KIR3DL3: variants seen among roughly 807,000 people sequenced by gnomAD.
The protein encoded by KIR3DL3 is killer cell immunoglobulin like receptor, three Ig domains and long cytoplasmic tail 3.
A neutral mutation model predicts 34.9 loss-of-function variants in KIR3DL3; 27 were observed. That is an observed-to-expected ratio of 0.77 (90% confidence interval 0.57 to 1.07). The LOEUF (loss-of-function observed/expected upper bound fraction) is 1.07. Among genes scored for constraint, KIR3DL3 ranks in the 50% least tolerant of loss-of-function variants. The probability of loss-of-function intolerance (pLI) is 0.00; values close to 1 mark genes in which losing one functional copy is unlikely to be tolerated. For synonymous variants in KIR3DL3, 217 were observed against 200.2 expected (o/e 1.08, Z -0.71); for missense variants, 681 against 528.5 (o/e 1.29, Z -2.83).
Position 54,735,807 on chromosome 19 carries a change from C to T in KIR3DL3, c.1055-13C>T. 1 of 1,608,022 alleles carries T rather than the reference C, an allele frequency of 6.2e-7. No individual in the cohort carries two copies. The highest frequency in any genetic ancestry group is 8.5e-7 in the Non-Finnish European group (1 of 1,178,406). On this transcript the variant is annotated splice_polypyrimidine_tract_variant and intron_variant, in intron 6 of 7. Coordinates refer to ENST00000291860, the MANE Select transcript of KIR3DL3 (RefSeq NM_153443.5). ...GCCCTCCGAGCTGTTTTGACGACTT[C>T]CGTCTTCTACAGATGCTGTTGTAAT...
intron 2 of KIR3DL3, among the ~76,000 whole-genome samples, chr19:54,725,692 G>A (rs1447909919): frequency 2.0e-5 from 3 of 152,148 alleles, no homozygotes; most frequent in Non-Finnish European, 4.4e-5. Context: ...AGAGGTGGGG[G>A]AACCACAGTC....
chr19:54,728,350 T>C (rs34478220), intron 4 of KIR3DL3, among the ~76,000 whole-genome samples: 107,081 of 142,444 alleles, frequency 0.75, 40,622 homozygotes, highest in East Asian at 0.99. Context: ...CCTACAGATG[T>C]TGTGTTTATT....
chr19:54,733,249 A>T (rs2069026635), intron 5 of KIR3DL3, among the ~76,000 whole-genome samples: 1 of 152,144 alleles, frequency 6.6e-6, no homozygotes, highest in Non-Finnish European at 1.5e-5. Flanking sequence ...TATAATATAC[A>T]AGACTGTGGA....
intron 4 of KIR3DL3, 29 bp downstream of exon 4, chr19:54,727,939 C>G (rs1163637010): frequency 1.3e-6 from 2 of 1,574,442 alleles, no homozygotes; most frequent in African/African-American, 2.7e-5. Flanking sequence ...GCCTCTCACC[C>G]TTGCTGGGAG....
chr19:54,727,323 C>T (rs35508109), intron 3 of KIR3DL3, among the ~76,000 whole-genome samples: 18,330 of 126,318 alleles, frequency 0.15, 1,643 homozygotes, highest in African/African-American at 0.18. Context: ...CTTCCACCCC[C>T]ACATAAACAC....
intron 5 of KIR3DL3, among the ~76,000 whole-genome samples, chr19:54,731,607 A>G (rs1487543828): frequency 2.6e-5 from 4 of 152,102 alleles, no homozygotes; most frequent in Admixed American, 2.0e-4. Context: ...GCTGTAACTC[A>G]GAAGTATGAA....
chr19:54,735,744 T>A, intron 6 of KIR3DL3, 76 bp from the exon 7 acceptor site: 1 of 1,430,036 alleles, frequency 7.0e-7, no homozygotes, highest in Non-Finnish European at 9.6e-7. Flanking sequence ...CCTCCCCCTG[T>A]ATGTTGGTAT....
intron 3 of KIR3DL3, among the ~76,000 whole-genome samples, chr19:54,727,226 C>A (rs370722088): frequency 8.5e-6 from 1 of 117,390 alleles, no homozygotes; most frequent in East Asian, 2.6e-4. Flanking sequence ...CTGATGAGTT[C>A]GTACCTCCTG....
At chr19:54,734,314 G>A (rs1164088681) in intron 5 of KIR3DL3, among the ~76,000 whole-genome samples, 1 of 151,248 alleles carries the variant, frequency 6.6e-6, no homozygotes, top group Admixed American at 6.6e-5. Context: ...GTCACTCCAG[G>A]GAGACAGAAC....
chr19:54,725,910 C>T lies in KIR3DL3; in HGVS notation c.71-143C>T, dbSNP rs1041760946. 8.1e-5 allele frequency: 59 copies of T among 729,592 alleles called. 1 individual carries two copies. Among genetic ancestry groups the T allele is most frequent in the Middle Eastern group, 3.8e-4 (1 of 2,602 alleles). The allele number at this position is 729,592 out of a possible 1,614,324, so 45.2% of individuals were successfully genotyped here. A position where few individuals can be genotyped will look rare whatever the true frequency, so the allele number is the denominator to read the frequency against. ...GCTGTAGGGAGACGCCATGTCTATG[C>T]GGGATGGGTCCTTCCTGTAGCCCTG... On this transcript the variant is annotated intron_variant, in intron 2 of 7. Transcript: ENST00000291860.
intron 1 of KIR3DL3, among the ~76,000 whole-genome samples, chr19:54,724,880 G>GAGATATGGGCCTGGAACTGT (rs2067978000): frequency 7.2e-6 from 1 of 138,100 alleles, no homozygotes; most frequent in African/African-American, 2.7e-5. Flanking sequence ...CCTGGAGGTG[G>GAGATATGGGCCTGGAACTGT]AGATATGGGC....
At chr19:54,735,741 C>G (rs1481292206) in intron 6 of KIR3DL3, 79 bp from the exon 7 acceptor site, 3 of 1,519,314 alleles carry the variant, frequency 2.0e-6, no homozygotes, top group Admixed American at 1.7e-5. Flanking sequence ...TGGCCTCCCC[C>G]TGTATGTTGG....
chr19:54,732,244 G>T lies in KIR3DL3; in HGVS notation c.949+2458G>T, dbSNP rs1210760911. Among the ~76,000 whole-genome samples, 208 of 118,314 alleles carry T rather than the reference G, an allele frequency of 1.8e-3. 1 individual carries two copies. The highest frequency in any genetic ancestry group is 5.7e-3 in the African/African-American group (189 of 32,896). 77.6% of individuals were successfully genotyped at this position (118,314 alleles called of 152,430 possible). A position where few individuals can be genotyped will look rare whatever the true frequency, so the allele number is the denominator to read the frequency against. ...AATCTGGGGTTTTTTGTGTGTGTGT[G>T]TGTTTTTTGTTTTCTTTTTTTTTTT... On this transcript the variant is annotated intron_variant, in intron 5 of 7. Transcript: ENST00000291860.
chr19:54,725,031 A>T lies in KIR3DL3; in HGVS notation c.35-216A>T, dbSNP rs2068002456. On this transcript the variant is annotated intron_variant, in intron 1 of 7. Coordinates refer to ENST00000291860, the MANE Select transcript of KIR3DL3 (RefSeq NM_153443.5). ...CCTGGAGGTGGAGATATGGGCCTGG[A>T]GTGTAGATATGGGCCTGGAGTAGAG... Among the ~76,000 whole-genome samples the T allele has an allele frequency of 8.4e-5, 11 of 131,530 alleles. 2 individuals carry two copies. The highest frequency in any genetic ancestry group is 1.6e-4 in the Non-Finnish European group (10 of 61,924). The allele number at this position is 131,530 out of a possible 152,430, so 86.3% of individuals were successfully genotyped here. A position where few individuals can be genotyped will look rare whatever the true frequency, so the allele number is the denominator to read the frequency against.
rs1227957559 is a variant in KIR3DL3 at position 54,727,912 on chromosome 19, T to TGA, written c.655+7_655+8dup. 45 of 1,605,582 alleles carry TGA rather than the reference T, an allele frequency of 2.8e-5. No individual in the cohort carries two copies. The African/African-American group carries it at 5.8e-4, about 21-fold the overall frequency. On this transcript the variant is annotated splice_region_variant and intron_variant, in intron 4 of 7. Transcript: ENST00000291860. ...ACCCTCTGGACATCGTGGTCGTAGGTGAGAGAATACAGACCTGCCTCTCAC... is the reference window on the plus strand; with the variant it reads ...ACCCTCTGGACATCGTGGTCGTAGGTGAGAGAGAATACAGACCTGCCTCTCAC...
At chr19:54,735,564 A>C (rs556098680) in intron 6 of KIR3DL3, among the ~76,000 whole-genome samples, 1 of 128,030 alleles carries the variant, frequency 7.8e-6, no homozygotes, top group Admixed American at 7.9e-5. Flanking sequence ...GTATCCTCAC[A>C]TCCCCTGCAG....
intron 4 of KIR3DL3, among the ~76,000 whole-genome samples, chr19:54,728,570 C>A (rs1170726224): frequency 2.0e-5 from 3 of 151,894 alleles, no homozygotes; most frequent in East Asian, 3.9e-4. Context: ...TCAGGGAAAT[C>A]AAAAAGCAAA....
In KIR3DL3 at chr19:54,729,535, C is replaced by A; in HGVS notation, c.698C>A (p.Thr233Lys). 6 of 1,606,236 alleles carry A rather than the reference C, an allele frequency of 3.7e-6. No homozygotes were observed. The highest frequency in any genetic ancestry group is 5.1e-6 in the Non-Finnish European group (6 of 1,178,212). ...TCTCTCTCAGCCCAGCCGGGCCCCA[C>A]GGTTCAGGCAGGAGAGAATGTGACC... ...KPSLSAQPGP[T>K]VQAGENVTLS... Residue 233 changes from threonine to lysine, a missense_variant, in exon 5 of 8, where the codon ACG becomes AAG. Thr to Lys is a moderately conservative substitution (Grantham distance 78). Coordinates refer to ENST00000291860, the MANE Select transcript of KIR3DL3 (RefSeq NM_153443.5).
chr19:54,727,814 C>T lies in KIR3DL3; in HGVS notation c.559C>T (p.Pro187Ser). ...CAACTATTCCATGGGTCCCATGACA[C>T]CTGCCCTTGCAGGGACCTACAGATG... ...QVNYSMGPMTPALAGTYRCFG... is the reference protein window; with the variant it reads ...QVNYSMGPMTSALAGTYRCFG... Residue 187 changes from proline to serine, a missense_variant, in exon 4 of 8, where the codon CCT (proline) becomes TCT (serine). Physicochemically the swap from Pro to Ser is moderately conservative, Grantham distance 74. Coordinates refer to ENST00000291860, the MANE Select transcript of KIR3DL3 (RefSeq NM_153443.5). 1.9e-6 allele frequency: 3 copies of T among 1,613,980 alleles called. No homozygotes were observed. The highest frequency in any genetic ancestry group is 1.7e-5 in the Admixed American group (1 of 59,998).
Sources: gnomAD v4.1 joint callset for allele counts (sites outside exome capture counted in the v4.1 genomes callset) on GRCh38, gnomAD v4.1.1 for gene constraint, MANE v1.5 for transcripts, NCBI Gene and HGNC (gene_info 2026-07-23, HGNC 2026-07-21) for gene names.